Variants in DPYD observed in about 807,000 individuals in gnomAD.
DPYD encodes the protein dihydropyrimidine dehydrogenase [NADP(+)].
DPYD carries 109 observed loss-of-function variants against 116.2 expected under a neutral mutation model. That is an observed-to-expected ratio of 0.94 (90% confidence interval 0.80 to 1.10). DPYD has a LOEUF of 1.10. Ranked by LOEUF, DPYD falls within the 50% of genes least tolerant of loss-of-function variation. The probability of loss-of-function intolerance (pLI) is 0.00; values close to 1 mark genes in which losing one functional copy is unlikely to be tolerated. For synonymous variants in DPYD, 440 were observed against 432.0 expected, an observed-to-expected ratio of 1.02 and a Z score of -0.23; for missense variants, 1,302 against 1,254.5, an observed-to-expected ratio of 1.04 and a Z score of -0.57.
chr1:97,766,636 CT>C (rs1557945006), intron 3 of DPYD, among the ~76,000 whole-genome samples: 4 of 152,096 alleles, frequency 2.6e-5, no homozygotes, highest in African/African-American at 9.7e-5. Flanking sequence ...GGGAAGGGTG[CT>C]TCTAGAAATC....
intron 11 of DPYD, among the ~76,000 whole-genome samples, chr1:97,562,883 C>A (rs564305043): frequency 6.6e-6 from 1 of 151,954 alleles, no homozygotes; most frequent in Non-Finnish European, 1.5e-5. Flanking sequence ...TTACACCTGG[C>A]TAATTTTTGT....
At chr1:97,723,212 G>T (rs1359148302) in intron 4 of DPYD, among the ~76,000 whole-genome samples, 1 of 151,560 alleles carries the variant, frequency 6.6e-6, no homozygotes, top group Non-Finnish European at 1.5e-5. Context: ...AGTTATGTCT[G>T]CCATGTAAGA....
intron 20 of DPYD, among the ~76,000 whole-genome samples, chr1:97,166,976 A>G (rs1288926234): frequency 2.0e-5 from 3 of 152,194 alleles, no homozygotes; most frequent in African/African-American, 4.8e-5. Flanking sequence ...ATTACCACTA[A>G]TGTTGTTAAT....
chr1:97,354,824 T>C (rs1478417150), intron 16 of DPYD, among the ~76,000 whole-genome samples: 2 of 152,244 alleles, frequency 1.3e-5, no homozygotes, highest in African/African-American at 4.8e-5. Context: ...TTCATTAATC[T>C]ATCCCCAAAT....
intron 20 of DPYD, among the ~76,000 whole-genome samples, chr1:97,152,465 C>A (rs887679965): frequency 6.6e-6 from 1 of 151,770 alleles, no homozygotes; most frequent in African/African-American, 2.4e-5. Flanking sequence ...CACACACACA[C>A]ACACACTTAC....
At chr1:97,590,381 G>T (rs749367032) in intron 10 of DPYD, among the ~76,000 whole-genome samples, 2 of 152,026 alleles carry the variant, frequency 1.3e-5, no homozygotes, top group Admixed American at 6.6e-5. Context: ...GAAAGCCTTC[G>T]GTGCTGATTC....
intron 20 of DPYD, among the ~76,000 whole-genome samples, chr1:97,174,322 T>A (rs1301254332): frequency 6.6e-6 from 1 of 152,122 alleles, no homozygotes; most frequent in Non-Finnish European, 1.5e-5. Flanking sequence ...CCTAATCAAA[T>A]TTTCCATCTT....
In DPYD at chr1:97,305,405, T is replaced by C. The variant is rs770633177; in HGVS notation, c.2180-27A>G. 1.9e-6 allele frequency: 3 copies of C among 1,611,664 alleles called. No homozygotes were observed. In the African/African-American group the frequency reaches 4.0e-5, roughly 22 times the overall value. ...TATGCAAGACACATCAACATTTTCA[T>C]GCAGCTCTTATAAGACACGATAGTT... On this transcript the variant is annotated intron_variant, in intron 17 of 22. Transcript: ENST00000370192.
At chr1:97,173,536 A>C (rs987757189) in intron 20 of DPYD, among the ~76,000 whole-genome samples, 6 of 151,274 alleles carry the variant, frequency 4.0e-5, no homozygotes, top group Admixed American at 2.6e-4. Context: ...AATTATGTGA[A>C]GTATTTAGAG....
At chr1:97,402,482 G>T (rs1673429601) in intron 14 of DPYD, among the ~76,000 whole-genome samples, 1 of 151,996 alleles carries the variant, frequency 6.6e-6, no homozygotes, top group Admixed American at 6.6e-5. Flanking sequence ...TTGCCACATT[G>T]CTATAATCAC....
chr1:97,396,105 A>T (rs12740800), intron 14 of DPYD, among the ~76,000 whole-genome samples: 25,640 of 152,084 alleles, frequency 0.17, 2,777 homozygotes, highest in Non-Finnish European at 0.24. Context: ...TTTACTAAGT[A>T]CCACAATAAG....
At chr1:97,482,904 T>C (rs1311424586) in intron 13 of DPYD, among the ~76,000 whole-genome samples, 2 of 152,178 alleles carry the variant, frequency 1.3e-5, no homozygotes, top group Non-Finnish European at 2.9e-5. Context: ...TCTAAACTCA[T>C]TATATTTTAT....
chr1:97,802,897 T>A (rs1181838432), intron 3 of DPYD, among the ~76,000 whole-genome samples: 1 of 151,878 alleles, frequency 6.6e-6, no homozygotes, highest in Non-Finnish European at 1.5e-5. Flanking sequence ...ATTCACAACA[T>A]CTTTTCCTCA....
chr1:97,390,792 T>C (rs1374428495), intron 14 of DPYD, among the ~76,000 whole-genome samples: 2 of 152,076 alleles, frequency 1.3e-5, no homozygotes, highest in East Asian at 3.9e-4. Flanking sequence ...ACAACCACTG[T>C]ACCACTCTAG....
chr1:97,352,605 C>T (rs1670207226), intron 16 of DPYD, among the ~76,000 whole-genome samples: 1 of 150,522 alleles, frequency 6.6e-6, no homozygotes, highest in Non-Finnish European at 1.5e-5. Context: ...GTGAACTGAT[C>T]TACAGGGAAG....
chr1:97,116,237 G>A (rs1408137681), intron 20 of DPYD, among the ~76,000 whole-genome samples: 1 of 151,970 alleles, frequency 6.6e-6, no homozygotes, highest in African/African-American at 2.4e-5. Flanking sequence ...AATTTTTTAG[G>A]TATTGATCCC....
chr1:97,234,625 T>A (rs1438380936), intron 19 of DPYD, among the ~76,000 whole-genome samples: 1 of 152,188 alleles, frequency 6.6e-6, no homozygotes, highest in African/African-American at 2.4e-5. Flanking sequence ...GGTGAATAAA[T>A]GTATTAAGAA....
chr1:97,205,725 G>T (rs752101748), intron 19 of DPYD, among the ~76,000 whole-genome samples: 3 of 152,022 alleles, frequency 2.0e-5, no homozygotes, highest in Non-Finnish European at 4.4e-5. Context: ...GCATCCAGTT[G>T]CTCTGTCCTT....
intron 1 of DPYD, among the ~76,000 whole-genome samples, chr1:97,895,401 C>G (rs1443368650): frequency 6.6e-6 from 1 of 151,614 alleles, no homozygotes; most frequent in African/African-American, 2.4e-5. Context: ...AGGACCTGGG[C>G]TAACTGAGTT....
Sources: gnomAD v4.1 joint callset for allele counts (sites outside exome capture counted in the v4.1 genomes callset) on GRCh38, gnomAD v4.1.1 for gene constraint, MANE v1.5 for transcripts, NCBI Gene and HGNC (gene_info 2026-07-23, HGNC 2026-07-21) for gene names.